ZBTB20: variants seen among roughly 807,000 people sequenced by gnomAD.
The protein encoded by ZBTB20 is zinc finger and BTB domain containing 20.
In ZBTB20, 9 loss-of-function variants were observed where a neutral mutation model predicts 56.9. That is an observed-to-expected ratio of 0.16 (90% confidence interval 0.10 to 0.28). The LOEUF (loss-of-function observed/expected upper bound fraction) is 0.28. Among genes scored for constraint, ZBTB20 ranks in the 10% least tolerant of loss-of-function variants. ZBTB20 has a pLI of 1.00. For synonymous variants in ZBTB20, 417 were observed against 420.7 expected (o/e 0.99, Z 0.11); for missense variants, 655 against 1,003.0 (o/e 0.65, Z 4.69).
At chr3:115,137,555 G>C (rs2084684520) in intron 1 of ZBTB20, among the ~76,000 whole-genome samples, 1 of 151,982 alleles carries the variant, frequency 6.6e-6, no homozygotes, top group Admixed American at 6.6e-5. Flanking sequence ...TTTCAGTATA[G>C]TGACAAATCA....
At position 114,334,855 on chromosome 3, in the gene ZBTB20, G is replaced by A. The variant is rs931678098; in HGVS notation, c.*4150C>T. ...TTTACCTCTCAATTAAAAGATACAG[G>A]AAACCATTTTGATACAGAGATTTTC... On this transcript the variant is annotated 3_prime_UTR_variant, in exon 12 of 12. Coordinates refer to ENST00000675478, the MANE Select transcript of ZBTB20 (RefSeq NM_001348800.3). 1 of 152,120 alleles carries A rather than the reference G, an allele frequency of 6.6e-6. No individual in the cohort carries two copies. The highest frequency in any genetic ancestry group is 1.5e-5 in the Non-Finnish European group (1 of 68,006). 9.4% of individuals were successfully genotyped at this position (152,120 alleles called of 1,614,324 possible).
At position 114,334,520 on chromosome 3, in the gene ZBTB20, T is replaced by C. The variant is rs531986252; in HGVS notation, c.*4485A>G. The C allele has an allele frequency of 3.3e-5, 5 of 152,278 alleles. No individual in the cohort carries two copies. The highest frequency in any genetic ancestry group is 1.2e-4 in the African/African-American group (5 of 41,556). 9.4% of individuals were successfully genotyped at this position (152,278 alleles called of 1,614,324 possible). ...TTTAGGACTGAATGTGAAACAAACA[T>C]ACCTGGAGGAAAACTTTTTTCATTA... On this transcript the variant is annotated 3_prime_UTR_variant, in exon 12 of 12. Transcript: ENST00000675478.
At chr3:114,978,667 G>GGT (rs3086036) in intron 2 of ZBTB20, among the ~76,000 whole-genome samples, 50,924 of 149,440 alleles carry the variant, frequency 0.34, 10,262 homozygotes, top group East Asian at 0.62. Context: ...GTATGTACCA[G>GGT]GTGTGTGTGT....
chr3:114,654,148 G>A (rs1347876342), intron 6 of ZBTB20, among the ~76,000 whole-genome samples: 1 of 151,482 alleles, frequency 6.6e-6, no homozygotes, highest in Non-Finnish European at 1.5e-5. Flanking sequence ...CTGCTTTTGG[G>A]TTTAAAATGA....
At chr3:114,681,715 T>C (rs2061985373) in intron 6 of ZBTB20, among the ~76,000 whole-genome samples, 1 of 152,194 alleles carries the variant, frequency 6.6e-6, no homozygotes, top group African/African-American at 2.4e-5. Context: ...ATCCAATCAT[T>C]TAATCCTACA....
intron 6 of ZBTB20, among the ~76,000 whole-genome samples, chr3:114,537,463 G>A (rs1050096974): frequency 5.9e-5 from 9 of 152,060 alleles, no homozygotes; most frequent in Admixed American, 1.3e-4. Context: ...TTAGAATGGC[G>A]ATCATTAAAA....
chr3:114,747,082 G>C (rs1263779441), intron 5 of ZBTB20, among the ~76,000 whole-genome samples: 1 of 152,088 alleles, frequency 6.6e-6, no homozygotes, highest in Non-Finnish European at 1.5e-5. Flanking sequence ...GCTTATATTT[G>C]TAAAAACATA....
At chr3:114,425,636 T>C (rs950423390) in intron 7 of ZBTB20, among the ~76,000 whole-genome samples, 3 of 152,172 alleles carry the variant, frequency 2.0e-5, no homozygotes, top group Non-Finnish European at 4.4e-5. Flanking sequence ...CTTAAGGCCA[T>C]AGTTTTTTCT....
In ZBTB20 at chr3:114,338,471, G is replaced by C. The variant is rs2079538177; in HGVS notation, c.*534C>G. The C allele has an allele frequency of 6.6e-6, 1 of 152,312 alleles. No individual in the cohort carries two copies. 9.4% of individuals were successfully genotyped at this position (152,312 alleles called of 1,614,324 possible). On this transcript the variant is annotated 3_prime_UTR_variant, in exon 12 of 12. Coordinates refer to ENST00000675478, the MANE Select transcript of ZBTB20 (RefSeq NM_001348800.3). ...ACAACGTGGTAGGTGGAAAACAGCA[G>C]GGCCTTTCCTCTGGGTTTTCAACCA...
At chr3:114,956,219 T>C (rs1216364084) in intron 3 of ZBTB20, among the ~76,000 whole-genome samples, 2 of 152,194 alleles carry the variant, frequency 1.3e-5, no homozygotes, top group African/African-American at 4.8e-5. Flanking sequence ...TATTTTCCAA[T>C]TGTCACTGGG....
rs1280562828 is a variant in ZBTB20, at chr3:114,992,359, CT to C, written c.-506-17944del. ...AATCATAAAGATTAGCATAAATAAC[CT>C]AAAAAAACTATTAAAAGTCAAGACA... On this transcript the variant is annotated intron_variant, in intron 2 of 11. Transcript: ENST00000675478. Among the ~76,000 whole-genome samples the C allele has an allele frequency of 2.2e-4, 33 of 151,906 alleles. No homozygotes were observed. In the Middle Eastern group the frequency reaches 0.014, roughly 63 times the overall value.
At chr3:115,076,741 AC>A (rs1334262695) in intron 1 of ZBTB20, among the ~76,000 whole-genome samples, 1 of 152,228 alleles carries the variant, frequency 6.6e-6, no homozygotes, top group African/African-American at 2.4e-5. Context: ...TGAAAAGGCA[AC>A]CTATGGAATA....
intron 1 of ZBTB20, among the ~76,000 whole-genome samples, chr3:115,142,514 A>G (rs1274271482): frequency 6.6e-6 from 1 of 152,086 alleles, no homozygotes; most frequent in Admixed American, 6.6e-5. Flanking sequence ...TAACAAAAAA[A>G]TTAGTAGGAC....
At chr3:114,712,593 T>C (rs1053794307) in intron 5 of ZBTB20, among the ~76,000 whole-genome samples, 6 of 145,458 alleles carry the variant, frequency 4.1e-5, no homozygotes, top group Non-Finnish European at 9.0e-5. Flanking sequence ...GCGGAGGTTG[T>C]GGTGAGCCGA....
At chr3:114,883,646 G>A (rs1432358072) in intron 4 of ZBTB20, among the ~76,000 whole-genome samples, 1 of 152,072 alleles carries the variant, frequency 6.6e-6, no homozygotes, top group African/African-American at 2.4e-5. Context: ...TGTGGTACTT[G>A]AGGCTTCAGT....
intron 1 of ZBTB20, among the ~76,000 whole-genome samples, chr3:115,102,392 G>A (rs2083610515): frequency 6.6e-6 from 1 of 151,660 alleles, no homozygotes; most frequent in African/African-American, 2.4e-5. Flanking sequence ...TTGCCCTATT[G>A]TTTCTCCGAA....
At chr3:115,019,204 G>A (rs2080103881) in intron 2 of ZBTB20, among the ~76,000 whole-genome samples, 2 of 151,208 alleles carry the variant, frequency 1.3e-5, no homozygotes, top group Admixed American at 1.3e-4. Flanking sequence ...GTTTAAATCT[G>A]CCCTTCATCT....
chr3:114,428,406 G>C (rs952419979), intron 7 of ZBTB20, among the ~76,000 whole-genome samples: 3 of 152,178 alleles, frequency 2.0e-5, no homozygotes, highest in Non-Finnish European at 4.4e-5. Context: ...GGCATCTATG[G>C]AGCTAGACTG....
At chr3:114,613,207 T>C (rs2057686305) in intron 6 of ZBTB20, among the ~76,000 whole-genome samples, 1 of 152,068 alleles carries the variant, frequency 6.6e-6, no homozygotes, top group African/African-American at 2.4e-5. Context: ...GGGTTTTGTA[T>C]TAGGCAAGAA....
Sources: gnomAD v4.1 joint callset for allele counts (sites outside exome capture counted in the v4.1 genomes callset) on GRCh38, gnomAD v4.1.1 for gene constraint, MANE v1.5 for transcripts, NCBI Gene and HGNC (gene_info 2026-07-23, HGNC 2026-07-21) for gene names.